STXBP5L: variants seen among roughly 807,000 people sequenced by gnomAD.
The protein encoded by STXBP5L is syntaxin-binding protein 5-like.
Under a neutral mutation model 144.5 loss-of-function variants are expected in STXBP5L, and 65 were observed. The observed-to-expected ratio is 0.45, with a 90% CI of 0.37 to 0.55. The LOEUF is 0.55. Ranked by LOEUF, STXBP5L falls within the 20% of genes least tolerant of loss-of-function variation. The probability of loss-of-function intolerance (pLI) is 0.00; values close to 1 mark genes in which losing one functional copy is unlikely to be tolerated. For synonymous variants in STXBP5L, 505 were observed against 469.6 expected (o/e 1.08, Z -0.97); for missense variants, 1,298 against 1,405.5 (o/e 0.92, Z 1.22).
At chr3:121,318,342 T>C (rs1048886139) in intron 19 of STXBP5L, 133 bp from the exon 20 acceptor site, 14 of 454,794 alleles carry the variant, frequency 3.1e-5, no homozygotes, top group African/African-American at 2.9e-4. Context: ...TTCAGAATAA[T>C]TGACGTAACT....
rs151188205 is a variant in STXBP5L at position 120,964,599 on chromosome 3, C to T, written c.287+9562C>T. On this transcript the variant is annotated intron_variant, in intron 3 of 26. Coordinates refer to ENST00000471454, the MANE Select transcript of STXBP5L (RefSeq NM_001308330.2). Reference sequence around the variant, plus strand: ...TGCGGTTTTGAGTGAATTTCTTAATCCTGAGTTCTAATTTGATTGCACTGT... The same window carrying T: ...TGCGGTTTTGAGTGAATTTCTTAATTCTGAGTTCTAATTTGATTGCACTGT... Among the ~76,000 whole-genome samples the T allele has an allele frequency of 8.9e-3, 1,354 of 152,194 alleles. 17 individuals carry two copies. Among genetic ancestry groups the T allele is most frequent in the African/African-American group, 0.031 (1,298 of 41,508 alleles).
chr3:121,221,136 C>T (rs1218042163), intron 10 of STXBP5L, among the ~76,000 whole-genome samples: 1 of 151,860 alleles, frequency 6.6e-6, no homozygotes, highest in African/African-American at 2.4e-5. Flanking sequence ...ATATTTAGTA[C>T]AGTTAACCAT....
intron 9 of STXBP5L, among the ~76,000 whole-genome samples, chr3:121,181,535 A>G (rs1401072805): frequency 6.6e-6 from 1 of 152,190 alleles, no homozygotes; most frequent in East Asian, 1.9e-4. Context: ...GGAGTTCAAG[A>G]CCAACCTGGC....
At chr3:121,123,144 A>G (rs1333600693) in intron 7 of STXBP5L, among the ~76,000 whole-genome samples, 1 of 151,564 alleles carries the variant, frequency 6.6e-6, no homozygotes, top group Non-Finnish European at 1.5e-5. Flanking sequence ...ACAATATACA[A>G]TTTGTCAACA....
chr3:121,372,721 C>G (rs2046069561), intron 20 of STXBP5L, among the ~76,000 whole-genome samples: 1 of 151,924 alleles, frequency 6.6e-6, no homozygotes, highest in African/African-American at 2.4e-5. Context: ...AGGAGTGTGC[C>G]AGTCTCCCCA....
chr3:121,043,570 G>T (rs142667162), intron 4 of STXBP5L, among the ~76,000 whole-genome samples: 1 of 152,118 alleles, frequency 6.6e-6, no homozygotes, highest in Non-Finnish European at 1.5e-5. Flanking sequence ...TTAGTTGGAC[G>T]TGGTTGCACA....
intron 7 of STXBP5L, among the ~76,000 whole-genome samples, chr3:121,131,806 C>T (rs1363004431): frequency 6.6e-6 from 1 of 152,164 alleles, no homozygotes; most frequent in Non-Finnish European, 1.5e-5. Context: ...TTCATTCTTA[C>T]AAACACACAG....
intron 3 of STXBP5L, among the ~76,000 whole-genome samples, chr3:120,981,894 T>A (rs1941812800): frequency 1.3e-5 from 2 of 152,196 alleles, no homozygotes; most frequent in African/African-American, 4.8e-5. Flanking sequence ...TATGATTGTT[T>A]GGCTTCAATT....
chr3:121,203,752 A>G (rs547593281), intron 9 of STXBP5L, among the ~76,000 whole-genome samples: 9 of 152,340 alleles, frequency 5.9e-5, no homozygotes, highest in Non-Finnish European at 1.3e-4. Flanking sequence ...ATGCTTTAAT[A>G]TGTACAAACA....
intron 2 of STXBP5L, among the ~76,000 whole-genome samples, chr3:120,910,233 C>T (rs375205716): frequency 1.3e-5 from 2 of 152,160 alleles, no homozygotes; most frequent in African/African-American, 4.8e-5. Flanking sequence ...AATAAAAACA[C>T]CTTCACATTC....
chr3:121,374,385 C>T (rs1490557080), intron 20 of STXBP5L, among the ~76,000 whole-genome samples: 1 of 151,858 alleles, frequency 6.6e-6, no homozygotes, highest in Admixed American at 6.6e-5. Context: ...AATGTAAGGA[C>T]ATGTGAACAC....
intron 20 of STXBP5L, among the ~76,000 whole-genome samples, chr3:121,342,992 A>G (rs2044783305): frequency 6.6e-6 from 1 of 151,218 alleles, no homozygotes; most frequent in Non-Finnish European, 1.5e-5. Context: ...ATTTCTCCAC[A>G]TCCTCTCCAG....
At chr3:121,233,801 T>C (rs1349412062) in intron 12 of STXBP5L, 113 bp downstream of exon 12, 1 of 817,048 alleles carries the variant, frequency 1.2e-6, no homozygotes, top group African/African-American at 1.8e-5. Context: ...TTTGCTAGAA[T>C]TACAGAAATG....
chr3:121,067,197 A>G (rs985877648), intron 5 of STXBP5L, among the ~76,000 whole-genome samples: 84 of 151,634 alleles, frequency 5.5e-4, no homozygotes, highest in Middle Eastern at 3.4e-3. Context: ...GGTTTGGTTT[A>G]CTGTCTTTTA....
intron 22 of STXBP5L, among the ~76,000 whole-genome samples, chr3:121,396,901 T>C (rs937391187): frequency 6.6e-6 from 1 of 152,252 alleles, no homozygotes; most frequent in Non-Finnish European, 1.5e-5. Context: ...CGGTTGTTCA[T>C]CTGTATGAAA....
intron 20 of STXBP5L, among the ~76,000 whole-genome samples, chr3:121,325,215 T>G (rs1052859687): frequency 6.6e-6 from 1 of 151,994 alleles, no homozygotes; most frequent in Non-Finnish European, 1.5e-5. Context: ...TGTGGCCAGT[T>G]TTACAACTCC....
At chr3:121,410,189 A>G (rs1298032181) in intron 23 of STXBP5L, among the ~76,000 whole-genome samples, 1 of 151,862 alleles carries the variant, frequency 6.6e-6, no homozygotes, top group Non-Finnish European at 1.5e-5. Flanking sequence ...TTGGGGGGGA[A>G]AAAAGGTCTA....
rs1406743880 is a variant in STXBP5L, at chr3:121,421,736, T to A, written c.*2639T>A. On this transcript the variant is annotated 3_prime_UTR_variant, in exon 27 of 27. Transcript: ENST00000471454. ...TATTTTAAGGCACACAGAGAAAATATCAAAAAGGACATTATAGCATTTCAC... is the reference window on the plus strand; with the variant it reads ...TATTTTAAGGCACACAGAGAAAATAACAAAAAGGACATTATAGCATTTCAC... 6.6e-6 allele frequency: 1 copy of A among 152,046 alleles called. No individual in the cohort carries two copies. 9.4% of individuals were successfully genotyped at this position (152,046 alleles called of 1,614,324 possible).
intron 9 of STXBP5L, among the ~76,000 whole-genome samples, chr3:121,198,832 T>G: frequency 6.6e-6 from 1 of 152,070 alleles, no homozygotes; most frequent in Non-Finnish European, 1.5e-5. Context: ...TTGTTCTGTT[T>G]CATTGGTCTA....
Sources: gnomAD v4.1 joint callset for allele counts (sites outside exome capture counted in the v4.1 genomes callset) on GRCh38, gnomAD v4.1.1 for gene constraint, MANE v1.5 for transcripts, NCBI Gene and HGNC (gene_info 2026-07-23, HGNC 2026-07-21) for gene names.